The following VWA5B2 variants were observed in gnomAD, a reference collection of about 807,000 sequenced individuals.
VWA5B2 encodes the protein von Willebrand factor A domain-containing protein 5B2.
In VWA5B2, 93 loss-of-function variants were observed where a neutral mutation model predicts 118.5. The ratio of observed to expected loss-of-function variants is 0.79; its 90% CI spans 0.66 to 0.93. The LOEUF (loss-of-function observed/expected upper bound fraction) is 0.93. VWA5B2 is among the 40% of genes least tolerant of loss of function. The probability of loss-of-function intolerance (pLI) is 0.00; values close to 1 mark genes in which losing one functional copy is unlikely to be tolerated. For synonymous variants in VWA5B2, 708 were observed against 716.3 expected (o/e 0.99, Z 0.19); for missense variants, 1,546 against 1,672.8 (o/e 0.92, Z 1.32).
In VWA5B2 at chr3:184,241,186, G is replaced by T. The variant is rs1464740698; in HGVS notation, c.2963-1G>T. On this transcript the variant is annotated splice_acceptor_variant, in intron 18 of 19. Coordinates refer to ENST00000691901, the MANE Select transcript of VWA5B2 (RefSeq NM_001390846.1). LOFTEE classifies it high-confidence loss of function. The surrounding 1 kb of genome is among the most constrained non-coding windows in gnomAD (Gnocchi z 5.1). The stretch of plus-strand genomic sequence containing the variant: ...CCTGGCACTGATGATCCCCACTGCA[G>T]GACTTCAGAGAGGCTCTCCAGCAGG... 1 of 1,550,706 alleles carries T rather than the reference G, an allele frequency of 6.4e-7. No individual in the cohort carries two copies. The highest frequency in any genetic ancestry group is 8.7e-7 in the Non-Finnish European group (1 of 1,146,474).
In VWA5B2 at chr3:184,241,618, C is replaced by G. The variant is rs1449940323; in HGVS notation, c.3309C>G (p.Thr1103=). Residue 1103 remains threonine (T), a synonymous_variant, in exon 20 of 20, where the codon ACC becomes ACG. Transcript: ENST00000691901. This position sits in a 1 kb window ranked among gnomAD's most constrained non-coding sequence, Gnocchi z 5.1. ...FAVHRASLSP[T]SASLPWALLG... is the part of the protein sequence containing the mutation. ...TGCACCGCGCCAGCCTCAGCCCCAC[C>G]TCGGCCTCATTGCCCTGGGCACTTC... is the stretch of plus-strand genomic sequence containing the variant. 6.5e-7 allele frequency: 1 copy of G among 1,542,674 alleles called. No individual in the cohort carries two copies. Among genetic ancestry groups the G allele is most frequent in the Non-Finnish European group, 8.7e-7 (1 of 1,146,562 alleles).
chr3:184,234,262 T>A lies in VWA5B2; in HGVS notation c.689-4T>A, dbSNP rs1162052927. On this transcript the variant is annotated splice_polypyrimidine_tract_variant and splice_region_variant and intron_variant, in intron 5 of 19. Transcript: ENST00000691901. ...TCTCCCCTTCCTGCCTCTATGTCCC[T>A]CAGGCCTGGAGAGCCCCTCTCATGC... 6.4e-7 allele frequency: 1 copy of A among 1,551,528 alleles called. No homozygotes were observed. The highest frequency in any genetic ancestry group is 2.0e-5 in the Admixed American group (1 of 51,006).
chr3:184,240,710 G>C, intron 16 of VWA5B2, 81 bp from the exon 17 acceptor site: 1 of 1,507,998 alleles, frequency 6.6e-7, no homozygotes, highest in East Asian at 2.5e-5. Flanking sequence ...AGAAGCTGGG[G>C]AGAACACTGC....
Position 184,241,797 on chromosome 3 carries a change from G to C in VWA5B2, c.3488G>C (p.Arg1163Pro), listed in dbSNP as rs899438735. 1 of 1,499,476 alleles carries C rather than the reference G, an allele frequency of 6.7e-7. No individual in the cohort carries two copies. Among genetic ancestry groups the C allele is most frequent in the South Asian group, 1.3e-5 (1 of 76,418 alleles). The allele number at this position is 1,499,476 out of a possible 1,614,324, so 92.9% of individuals were successfully genotyped here. A position where few individuals can be genotyped will look rare whatever the true frequency, so the allele number is the denominator to read the frequency against. Residue 1163 changes from arginine (R) to proline (P), a missense_variant, in exon 20 of 20, where the codon CGG (arginine) becomes CCG (proline). By Grantham distance (103) the Arg-to-Pro change is moderately radical. Transcript: ENST00000691901. The surrounding 1 kb of genome is among the most constrained non-coding windows in gnomAD (Gnocchi z 5.1). Reference sequence around the variant, plus strand: ...GAAGGGCTGGGCGGCACCGACCTGCGGGGCCGGACCTGGGCCACTGCCGTA... The same window carrying C: ...GAAGGGCTGGGCGGCACCGACCTGCCGGGCCGGACCTGGGCCACTGCCGTA... ...GAEGLGGTDLRGRTWATAVAL... is the reference protein window; with the variant it reads ...GAEGLGGTDLPGRTWATAVAL...
At chr3:184,234,518 G>C in intron 6 of VWA5B2, 113 bp from the exon 7 acceptor site, 1 of 1,524,434 alleles carries the variant, frequency 6.6e-7, no homozygotes, top group Non-Finnish European at 8.8e-7. Flanking sequence ...TGTGAGGGCA[G>C]AGCCTGTGGT....
intron 2 of VWA5B2, 38 bp from the exon 3 acceptor site, chr3:184,230,709 G>T: frequency 8.2e-7 from 1 of 1,222,778 alleles, no homozygotes; most frequent in South Asian, 3.8e-5. Context: ...GGGGTGCGCC[G>T]GGCAGGGTCC....
In VWA5B2 at chr3:184,238,503, G is replaced by A. The variant is rs1175002111; in HGVS notation, c.1891+29G>A. 1 of 1,536,786 alleles carries A rather than the reference G, an allele frequency of 6.5e-7. No individual in the cohort carries two copies. Among genetic ancestry groups the A allele is most frequent in the Admixed American group, 2.0e-5 (1 of 50,592 alleles). On this transcript the variant is annotated intron_variant, in intron 13 of 19. Transcript: ENST00000691901. This position sits in a 1 kb window ranked among gnomAD's most constrained non-coding sequence, Gnocchi z 5.0. ...AGTGCCCAGGTGTATGTGTGTGGCTGTATTGGAGTGGGCGCTGGGAGGGGT... is the reference window on the plus strand; with the variant it reads ...AGTGCCCAGGTGTATGTGTGTGGCTATATTGGAGTGGGCGCTGGGAGGGGT...
At position 184,235,328 on chromosome 3, in the gene VWA5B2, G is replaced by A. The variant is rs1213498523; in HGVS notation, c.1101+20G>A. On this transcript the variant is annotated intron_variant, in intron 8 of 19. Coordinates refer to ENST00000691901, the MANE Select transcript of VWA5B2 (RefSeq NM_001390846.1). The stretch of plus-strand genomic sequence containing the variant: ...CACAAGGCCCGTGGGGGTGTGGTGT[G>A]GGCAGGCCTGGGGGTTGGGTGGGGC... 1.9e-6 allele frequency: 3 copies of A among 1,549,196 alleles called. No individual in the cohort carries two copies. The highest frequency in any genetic ancestry group is 2.6e-6 in the Non-Finnish European group (3 of 1,145,442).
In VWA5B2 at chr3:184,230,633, C is replaced by A. The variant is rs1407762957; in HGVS notation, c.105C>A (p.Leu35=). 1 of 1,378,986 alleles carries A rather than the reference C, an allele frequency of 7.3e-7. No individual in the cohort carries two copies. Among genetic ancestry groups the A allele is most frequent in the Admixed American group, 3.3e-5 (1 of 30,024 alleles). 85.4% of individuals were successfully genotyped at this position (1,378,986 alleles called of 1,614,324 possible). Reference sequence around the variant, plus strand: ...CCTGCCTCAGCGTGCGGGCCCGGCTCACCTACCGCAACCCGCAGCCGCAGC... The same window carrying A: ...CCTGCCTCAGCGTGCGGGCCCGGCTAACCTACCGCAACCCGCAGCCGCAGC... ...NGPCLSVRAR[L]TYRNPQPQPV... The change falls in exon 2 of 20, where the codon CTC becomes CTA. Residue 35 remains leucine (L), a synonymous_variant. Transcript: ENST00000691901.
In VWA5B2 at chr3:184,238,987, G is replaced by A; in HGVS notation, c.2202+114G>A. On this transcript the variant is annotated intron_variant, in intron 14 of 19. Transcript: ENST00000691901. The surrounding 1 kb of genome is among the most constrained non-coding windows in gnomAD (Gnocchi z 5.0). ...ATTAAGTCTAGCTAGAGAGAAAGGT[G>A]GGTAAATCCCCAACGATACCATGTA... 8.5e-7 allele frequency: 1 copy of A among 1,172,686 alleles called. No individual in the cohort carries two copies. Among genetic ancestry groups the A allele is most frequent in the Non-Finnish European group, 1.2e-6 (1 of 853,632 alleles). The allele number at this position is 1,172,686 out of a possible 1,614,324, so 72.6% of individuals were successfully genotyped here.
At position 184,239,720 on chromosome 3, in the gene VWA5B2, G is replaced by C; in HGVS notation, c.2424G>C (p.Trp808Cys). ...GNLLSPAPMD[W>C]DMLMEPPFLF... ...TGCTCTCCCCAGCCCCTATGGACTGGGACATGCTGATGGAACCACCCTTCT... is the reference window on the plus strand; with the variant it reads ...TGCTCTCCCCAGCCCCTATGGACTGCGACATGCTGATGGAACCACCCTTCT... Residue 808 changes from tryptophan (W) to cysteine (C), a missense_variant, in exon 16 of 20, where the codon TGG becomes TGC. Coordinates refer to ENST00000691901, the MANE Select transcript of VWA5B2 (RefSeq NM_001390846.1). The surrounding 1 kb of genome is among the most constrained non-coding windows in gnomAD (Gnocchi z 5.1). The C allele has an allele frequency of 6.7e-7, 1 of 1,493,174 alleles. No individual in the cohort carries two copies. 92.5% of individuals were successfully genotyped at this position (1,493,174 alleles called of 1,614,324 possible).
At chr3:184,232,986 TCA>T in intron 3 of VWA5B2, 190 bp from the exon 4 acceptor site, 1 of 600,184 alleles carries the variant, frequency 1.7e-6, no homozygotes, top group Non-Finnish European at 3.0e-6. Flanking sequence ...CCAGATCTGT[TCA>T]CAGTTAGTCT....
intron 8 of VWA5B2, 55 bp downstream of exon 8, chr3:184,235,363 G>C (rs976159780): frequency 2.4e-5 from 36 of 1,527,690 alleles, no homozygotes; most frequent in Middle Eastern, 2.0e-4. Flanking sequence ...CAGTGGGTCT[G>C]AGGAGGGCTG....
Position 184,236,430 on chromosome 3 carries a change from G to T in VWA5B2, c.1300G>T (p.Val434Leu). ...PDVLAALDWAVGQPQHRAYPR... is the reference protein window; with the variant it reads ...PDVLAALDWALGQPQHRAYPR... ...CGTGCTGGCTGCTCTGGACTGGGCC[G>T]TGGGGCAGCCCCAGCACAGGGCCTA... Residue 434 changes from valine to leucine, a missense_variant, in exon 10 of 20, where the codon GTG becomes TTG. This residue lies in a region of VWA5B2 where 775 missense variants were observed against 882.3 expected (regional missense o/e 0.88). Coordinates refer to ENST00000691901, the MANE Select transcript of VWA5B2 (RefSeq NM_001390846.1). The T allele has an allele frequency of 1.3e-6, 2 of 1,546,998 alleles. No individual in the cohort carries two copies. Among genetic ancestry groups the T allele is most frequent in the Non-Finnish European group, 1.7e-6 (2 of 1,146,678 alleles).
Position 184,229,660 on chromosome 3 carries a change from G to C in VWA5B2, c.-203G>C, listed in dbSNP as rs978528489. ...CGAGGGCCACCCGGAGCGCAGAGGC[G>C]GCACCACCCACACGGATCCCGTGGG... On this transcript the variant is annotated 5_prime_UTR_variant, in exon 1 of 20. Coordinates refer to ENST00000691901, the MANE Select transcript of VWA5B2 (RefSeq NM_001390846.1). 1.3e-5 allele frequency among the ~76,000 whole-genome samples: 2 copies of C among 152,158 alleles called. No individual in the cohort carries two copies. The highest frequency in any genetic ancestry group is 4.8e-5 in the African/African-American group (2 of 41,450).
rs1356962752 is a variant in VWA5B2 at position 184,230,510 on chromosome 3, G to C, written c.-19G>C. The C allele has an allele frequency of 7.6e-6, 11 of 1,446,662 alleles. No homozygotes were observed. In the East Asian group the frequency reaches 3.0e-4, roughly 40 times the overall value. The allele number at this position is 1,446,662 out of a possible 1,614,324, so 89.6% of individuals were successfully genotyped here. A position where few individuals can be genotyped will look rare whatever the true frequency, so the allele number is the denominator to read the frequency against. On this transcript the variant is annotated 5_prime_UTR_variant, in exon 2 of 20. Coordinates refer to ENST00000691901, the MANE Select transcript of VWA5B2 (RefSeq NM_001390846.1). ...CCAGCTTCCCCGGCCCGTTCCCGCA[G>C]GGCCGGCCTCCCGGCGCCATGCCCG...
Position 184,229,715 on chromosome 3 carries a change from T to G in VWA5B2, c.-150+2T>G, listed in dbSNP as rs1165090261. ...TAGAACTCCGCGGAGGGCGCGACGG[T>G]GAGGCTGAGACTGCCACAGGGAGCG... On this transcript the variant is annotated splice_donor_variant, in intron 1 of 19. Transcript: ENST00000691901. LOFTEE classifies it low-confidence loss of function (5UTR_SPLICE). Among the ~76,000 whole-genome samples the G allele has an allele frequency of 6.6e-6, 1 of 151,984 alleles. No individual in the cohort carries two copies. The highest frequency in any genetic ancestry group is 1.5e-5 in the Non-Finnish European group (1 of 67,960).
chr3:184,238,310 A>G lies in VWA5B2; in HGVS notation c.1727A>G (p.Glu576Gly), dbSNP rs1397173102. ...CAATAATATTCTCTCTAGGGCCAAG[A>G]GCCTGGCTGGCAGAGCTCGGGTGGG... is the stretch of plus-strand genomic sequence containing the variant. Reference protein sequence around the residue: ...GFRSRPPGGQEPGWQSSGGSV... With the variant: ...GFRSRPPGGQGPGWQSSGGSV... The change falls in exon 13 of 20, where the codon GAG (glutamate) becomes GGG (glycine). Residue 576 changes from glutamate (E) to glycine (G), a missense_variant. By Grantham distance (98) the Glu-to-Gly change is moderately conservative (BLOSUM62 -2). Coordinates refer to ENST00000691901, the MANE Select transcript of VWA5B2 (RefSeq NM_001390846.1). This position sits in a 1 kb window ranked among gnomAD's most constrained non-coding sequence, Gnocchi z 5.0. The G allele has an allele frequency of 6.6e-7, 1 of 1,518,930 alleles. No homozygotes were observed. 94.1% of individuals were successfully genotyped at this position (1,518,930 alleles called of 1,614,324 possible).
At chr3:184,235,022 C>T (rs933904995) in intron 7 of VWA5B2, 131 bp from the exon 8 acceptor site, 6 of 1,234,954 alleles carry the variant, frequency 4.9e-6, no homozygotes, top group South Asian at 3.1e-5. Context: ...TGCCTTTATT[C>T]GAATTACTAC....
Sources: gnomAD v4.1 joint callset for allele counts (sites outside exome capture counted in the v4.1 genomes callset) on GRCh38, gnomAD v4.1.1 for gene constraint, gnomAD v4.1.1 regional missense constraint, Gnocchi (gnomAD v3.1) non-coding constraint, MANE v1.5 for transcripts, NCBI Gene and HGNC (gene_info 2026-07-23, HGNC 2026-07-21) for gene names.